Variants in CNNM4 observed in about 807,000 individuals in gnomAD.
The protein encoded by CNNM4 is metal transporter CNNM4.
A neutral mutation model predicts 53.7 loss-of-function variants in CNNM4; 32 were observed. The ratio of observed to expected loss-of-function variants is 0.60; its 90% confidence interval spans 0.45 to 0.80. The LOEUF (loss-of-function observed/expected upper bound fraction) is 0.80. Ranked by LOEUF, CNNM4 falls within the 30% of genes least tolerant of loss-of-function variation. The pLI is 0.00. For missense variants in CNNM4, 784 were observed against 1,022.0 expected, an observed-to-expected ratio of 0.77 and a Z score of 3.17; for synonymous variants, 410 against 440.0, an observed-to-expected ratio of 0.93 and a Z score of 0.85.
chr2:96,771,229 C>T (rs2078866151), intron 1 of CNNM4, among the ~76,000 whole-genome samples: 1 of 151,824 alleles, frequency 6.6e-6, no homozygotes, highest in South Asian at 2.1e-4. Context: ...GGGCCCCTGG[C>T]TTATGTCGTA....
At chr2:96,787,781 G>A (rs923127714) in intron 1 of CNNM4, among the ~76,000 whole-genome samples, 5 of 152,106 alleles carry the variant, frequency 3.3e-5, no homozygotes, top group African/African-American at 1.2e-4. Flanking sequence ...GTTCACTTGA[G>A]CCCAGGAAGT....
At chr2:96,783,848 T>G (rs1270325532) in intron 1 of CNNM4, among the ~76,000 whole-genome samples, 1 of 152,210 alleles carries the variant, frequency 6.6e-6, no homozygotes, top group East Asian at 1.9e-4. Context: ...CTGTTTTTTA[T>G]AAAACTTTTT....
At chr2:96,777,720 T>C (rs1221108183) in intron 1 of CNNM4, among the ~76,000 whole-genome samples, 2 of 152,030 alleles carry the variant, frequency 1.3e-5, no homozygotes, top group South Asian at 2.1e-4. Context: ...CAGGCTGGTC[T>C]TGAACTCCTG....
At chr2:96,794,056 T>A (rs1425167313) in intron 1 of CNNM4, among the ~76,000 whole-genome samples, 3 of 152,012 alleles carry the variant, frequency 2.0e-5, no homozygotes, top group Non-Finnish European at 4.4e-5. Flanking sequence ...GCCTGTGGAG[T>A]AATTAGGGAT....
chr2:96,809,647 C>G lies in CNNM4; in HGVS notation c.*130C>G, dbSNP rs1450151186. 1.2e-6 allele frequency: 1 copy of G among 823,588 alleles called. No individual in the cohort carries two copies. Among genetic ancestry groups the G allele is most frequent in the Non-Finnish European group, 2.0e-6 (1 of 512,792 alleles). 51.0% of individuals were successfully genotyped at this position (823,588 alleles called of 1,614,324 possible). ...GTCTGACTGAACAGCCAGATGGCCCCCAGCCTATGGGGGATCTGGCCTCTG... is the reference window on the plus strand; with the variant it reads ...GTCTGACTGAACAGCCAGATGGCCCGCAGCCTATGGGGGATCTGGCCTCTG... On this transcript the variant is annotated 3_prime_UTR_variant, in exon 7 of 7. Transcript: ENST00000377075.
rs76391399 is a variant in CNNM4, at chr2:96,775,788, T to C, written c.1402+13387T>C. The stretch of plus-strand genomic sequence containing the variant: ...TCATCCAGGCTGGAGTATAGTAGCA[T>C]GATCACAGCTCACTGCAGCCCCCAC... On this transcript the variant is annotated intron_variant, in intron 1 of 6. Transcript: ENST00000377075. Among the ~76,000 whole-genome samples the C allele has an allele frequency of 7.6e-4, 116 of 152,312 alleles. 1 individual carries two copies. The East Asian group carries it at 0.022, about 28-fold the overall frequency.
At chr2:96,765,538 G>A (rs1406712320) in intron 1 of CNNM4, among the ~76,000 whole-genome samples, 1 of 152,136 alleles carries the variant, frequency 6.6e-6, no homozygotes, top group Non-Finnish European at 1.5e-5. Context: ...TTGGGTGAGG[G>A]TCCTGAGCCT....
chr2:96,806,506 A>AACACACACACACACACAC (rs151020163), intron 5 of CNNM4, among the ~76,000 whole-genome samples: 37 of 135,434 alleles, frequency 2.7e-4, no homozygotes, highest in African/African-American at 8.4e-4. Flanking sequence ...CTAGCTATCC[A>AACACACACACACACACAC]ACACACACAC....
intron 1 of CNNM4, among the ~76,000 whole-genome samples, chr2:96,782,572 T>A (rs992826051): frequency 5.3e-5 from 8 of 152,188 alleles, no homozygotes; most frequent in Non-Finnish European, 1.2e-4. Context: ...ATTCTTGTCC[T>A]CTTCCTCCCC....
At chr2:96,805,432 TTTTTTTTATTA>T (rs2079194180) in intron 5 of CNNM4, among the ~76,000 whole-genome samples, 1 of 140,420 alleles carries the variant, frequency 7.1e-6, no homozygotes, top group African/African-American at 3.0e-5. Flanking sequence ...TTTTTTTTTT[TTTTTTTTATTA>T]TTTTTTTTTA....
intron 1 of CNNM4, among the ~76,000 whole-genome samples, chr2:96,781,566 C>A (rs112762625): frequency 0.017 from 2,536 of 152,314 alleles, 22 homozygotes; most frequent in Middle Eastern, 0.041. Flanking sequence ...TTTGTCGGTC[C>A]TAGAGGAGCT....
chr2:96,803,642 C>T (rs886708661), intron 5 of CNNM4, among the ~76,000 whole-genome samples: 1 of 151,818 alleles, frequency 6.6e-6, no homozygotes, highest in Non-Finnish European at 1.5e-5. Flanking sequence ...AAGAGAATCG[C>T]TTGAACCCAG....
intron 1 of CNNM4, among the ~76,000 whole-genome samples, chr2:96,782,500 A>T (rs1470322559): frequency 6.6e-6 from 1 of 152,110 alleles, no homozygotes; most frequent in Non-Finnish European, 1.5e-5. Context: ...GAAGAAAGAT[A>T]CCATATCATT....
At position 96,761,362 on chromosome 2, in the gene CNNM4, C is replaced by T. The variant is rs377354317; in HGVS notation, c.363C>T (p.Val121=). Residue 121 remains valine, a synonymous_variant, in exon 1 of 7, where the codon GTC becomes GTT. Transcript: ENST00000377075. The surrounding 1 kb of genome is among the most constrained non-coding windows in gnomAD (Gnocchi z 6.0). ...AGGACCTGGTCGTCCAGCAGCTGGT[C>T]AACGTGAGCCGCGGGAACACGTCCG... The part of the protein sequence containing the change: ...LTKDLVVQQL[V]NVSRGNTSGV... 1 of 1,614,108 alleles carries T rather than the reference C, an allele frequency of 6.2e-7. No individual in the cohort carries two copies.
intron 5 of CNNM4, among the ~76,000 whole-genome samples, chr2:96,803,636 G>C (rs867826091): frequency 4.1e-4 from 62 of 151,832 alleles, no homozygotes; most frequent in African/African-American, 1.4e-3. Context: ...TGAGGCAAGA[G>C]AATCGCTTGA....
At chr2:96,765,848 G>A (rs956387567) in intron 1 of CNNM4, among the ~76,000 whole-genome samples, 3 of 148,918 alleles carry the variant, frequency 2.0e-5, no homozygotes, top group African/African-American at 7.5e-5. Flanking sequence ...CGGCTGGAGT[G>A]CAATGGCACC....
intron 5 of CNNM4, among the ~76,000 whole-genome samples, chr2:96,802,825 T>C (rs1292943604): frequency 6.6e-6 from 1 of 151,794 alleles, no homozygotes; most frequent in Non-Finnish European, 1.5e-5. Flanking sequence ...GTCCGGGGAG[T>C]CGGTGGGAAT....
Position 96,760,914 on chromosome 2 carries a change from G to C in CNNM4, c.-86G>C, listed in dbSNP as rs1209470145. The C allele has an allele frequency of 1.3e-6, 1 of 751,112 alleles. No homozygotes were observed. The highest frequency in any genetic ancestry group is 5.7e-5 in the South Asian group (1 of 17,442). The allele number at this position is 751,112 out of a possible 1,614,324, so 46.5% of individuals were successfully genotyped here. On this transcript the variant is annotated 5_prime_UTR_variant, in exon 1 of 7. Coordinates refer to ENST00000377075, the MANE Select transcript of CNNM4 (RefSeq NM_020184.4). ...TCGCGGCCCGGGCAGTTGGCTCGGC[G>C]GCAGCGGAGCGGCCGGAGCTGCGGT...
At position 96,799,607 on chromosome 2, in the gene CNNM4, T is replaced by C; in HGVS notation, c.1907T>C (p.Phe636Ser). ...AACATGAAGTTTGAGACGGGCGCCT[T>C]CTCCTACTATGGGACTATGGCCCTG... ...KENMKFETGA[F>S]SYYGTMALTS... The change falls in exon 5 of 7, where the codon TTC becomes TCC. Residue 636 changes from phenylalanine (F) to serine (S), a missense_variant. Coordinates refer to ENST00000377075, the MANE Select transcript of CNNM4 (RefSeq NM_020184.4). The C allele has an allele frequency of 6.4e-7, 1 of 1,554,098 alleles. No homozygotes were observed. The highest frequency in any genetic ancestry group is 2.4e-5 in the East Asian group (1 of 41,114).
Sources: allele counts gnomAD v4.1 joint callset (sites outside exome capture counted in the v4.1 genomes callset), GRCh38; gene constraint gnomAD v4.1.1; non-coding constraint Gnocchi (gnomAD v3.1); transcripts MANE v1.5; gene names NCBI Gene and HGNC (gene_info 2026-07-23, HGNC 2026-07-21).